OR6N2: variants seen among roughly 807,000 people sequenced by gnomAD.
OR6N2 encodes the protein olfactory receptor 6N2.
For synonymous variants in OR6N2, 160 were observed against 138.3 expected (o/e 1.16, Z -1.10); for missense variants, 399 against 379.7 (o/e 1.05, Z -0.42).
rs148511695 is a variant in OR6N2, at chr1:158,775,426, G to C, written c.*1256C>G. On this transcript the variant is annotated 3_prime_UTR_variant, in exon 2 of 2. Transcript: ENST00000641131. ...GAAAGAGGGAGCTGAGGGAGTAGAG[G>C]TATGAATCTATGTTGAAGAGGAAGG... 6.6e-6 allele frequency: 1 copy of C among 152,160 alleles called. No individual in the cohort carries two copies. The highest frequency in any genetic ancestry group is 1.5e-5 in the Non-Finnish European group (1 of 68,018). 9.4% of individuals were successfully genotyped at this position (152,160 alleles called of 1,614,324 possible).
chr1:158,775,464 C>T lies in OR6N2; in HGVS notation c.*1218G>A, dbSNP rs945543998. The T allele has an allele frequency of 7.9e-5, 12 of 152,100 alleles. No individual in the cohort carries two copies. Among genetic ancestry groups the T allele is most frequent in the Admixed American group, 2.6e-4 (4 of 15,264 alleles). The allele number at this position is 152,100 out of a possible 1,614,324, so 9.4% of individuals were successfully genotyped here. A position where few individuals can be genotyped will look rare whatever the true frequency, so the allele number is the denominator to read the frequency against. ...TTGAAGAGGAAGGCAGGGAAGAATT[C>T]CGTTTATAGCCTTATAAAGTATGGT... On this transcript the variant is annotated 3_prime_UTR_variant, in exon 2 of 2. Transcript: ENST00000641131.
At position 158,775,486 on chromosome 1, in the gene OR6N2, T is replaced by C. The variant is rs910209344; in HGVS notation, c.*1196A>G. 6.6e-6 allele frequency: 1 copy of C among 152,328 alleles called. No homozygotes were observed. Among genetic ancestry groups the C allele is most frequent in the East Asian group, 1.9e-4 (1 of 5,192 alleles). 9.4% of individuals were successfully genotyped at this position (152,328 alleles called of 1,614,324 possible). On this transcript the variant is annotated 3_prime_UTR_variant, in exon 2 of 2. Transcript: ENST00000641131. ...ATTCCGTTTATAGCCTTATAAAGTA[T>C]GGTGAGGCTTTGAATTTTATCTTAA... is the stretch of plus-strand genomic sequence containing the variant.
rs755813029 is a variant in OR6N2, at chr1:158,776,738, C to G, written c.898G>C (p.Ala300Pro). ...TTCTGGAAGATGGTCCTCTTGATAG[C>G]TTTAATGATTTCCTTGTTACGAAGA... ...YSLRNKEIIK[A>P]IKRTIFQKGD... Residue 300 changes from alanine to proline, a missense_variant, in exon 2 of 2, where the codon GCT becomes CCT. Ala to Pro is a conservative substitution (Grantham distance 27, BLOSUM62 -1). Coordinates refer to ENST00000641131, the MANE Select transcript of OR6N2 (RefSeq NM_001005278.2). The G allele has an allele frequency of 2.5e-6, 4 of 1,613,782 alleles. No homozygotes were observed. The highest frequency in any genetic ancestry group is 3.4e-6 in the Non-Finnish European group (4 of 1,179,838).
At chr1:158,778,118 A>G (rs1192667888) in intron 1 of OR6N2, among the ~76,000 whole-genome samples, 1 of 152,222 alleles carries the variant, frequency 6.6e-6, no homozygotes, top group Admixed American at 6.5e-5. Flanking sequence ...TGGGTATGAG[A>G]TTAATGTAGT....
rs1341080085 is a variant in OR6N2 at position 158,777,419 on chromosome 1, A to G, written c.217T>C (p.Tyr73His). 1 of 1,614,210 alleles carries G rather than the reference A, an allele frequency of 6.2e-7. No homozygotes were observed. The highest frequency in any genetic ancestry group is 1.3e-5 in the African/African-American group (1 of 75,066). The change falls in exon 2 of 2, where the codon TAT becomes CAT. Residue 73 changes from tyrosine to histidine, a missense_variant. Transcript: ENST00000641131. ...VSVLSFLELW[Y>H]TATTIPKMLS... ...ATCTTAGGGATAGTGGTAGCTGTAT[A>G]CCACAACTCCAAGAAGGAAAGAACA...
Position 158,774,229 on chromosome 1 carries a change from A to AC in OR6N2, c.*2452dup, listed in dbSNP as rs1657521648. ...TATATAGCAAAAATAGTAGCAATGT[A>AC]CTGTGTGTTTATTTTACAAAAATAT... is the stretch of plus-strand genomic sequence containing the variant. On this transcript the variant is annotated 3_prime_UTR_variant, in exon 2 of 2. Coordinates refer to ENST00000641131, the MANE Select transcript of OR6N2 (RefSeq NM_001005278.2). 6.6e-6 allele frequency: 1 copy of AC among 152,224 alleles called. No individual in the cohort carries two copies. The highest frequency in any genetic ancestry group is 1.9e-4 in the East Asian group (1 of 5,206). 9.4% of individuals were successfully genotyped at this position (152,224 alleles called of 1,614,324 possible). A position where few individuals can be genotyped will look rare whatever the true frequency, so the allele number is the denominator to read the frequency against.
rs1657598476 is a variant in OR6N2 at position 158,776,564 on chromosome 1, A to G, written c.*118T>C. On this transcript the variant is annotated 3_prime_UTR_variant, in exon 2 of 2. Coordinates refer to ENST00000641131, the MANE Select transcript of OR6N2 (RefSeq NM_001005278.2). ...TAGAAAATGAGAAAATCATAAAGAA[A>G]TGAAGTCTTTGAAGAGGTGAAAGGA... The G allele has an allele frequency of 5.3e-6, 3 of 570,856 alleles. No individual in the cohort carries two copies. The highest frequency in any genetic ancestry group is 9.2e-6 in the Non-Finnish European group (3 of 327,238). The allele number at this position is 570,856 out of a possible 1,614,324, so 35.4% of individuals were successfully genotyped here.
rs758681746 is a variant in OR6N2, at chr1:158,777,558, C to G, written c.78G>C (p.Trp26Cys). 2.7e-5 allele frequency: 44 copies of G among 1,613,932 alleles called. No homozygotes were observed. In the South Asian group the frequency reaches 3.5e-4, roughly 13 times the overall value. Residue 26 changes from tryptophan to cysteine, a missense_variant, in exon 2 of 2, where the codon TGG (tryptophan) becomes TGC (cysteine). Physicochemically the swap from Trp to Cys is radical, Grantham distance 215. Transcript: ENST00000641131. ...GFASVGYVRG[W>C]LFVLLLLAYL... ...ATGCCAATAGCAGCAGGACAAAAAG[C>G]CAGCCCCTGACATAGCCCACACTGG...
chr1:158,779,037 G>A (rs1396162839), intron 1 of OR6N2, among the ~76,000 whole-genome samples: 3 of 85,624 alleles, frequency 3.5e-5, no homozygotes, highest in African/African-American at 1.1e-4. Context: ...AAAAAAGAAT[G>A]CAGATTCAAA....
At position 158,777,506 on chromosome 1, in the gene OR6N2, G is replaced by A. The variant is rs150989932; in HGVS notation, c.130C>T (p.Leu44Phe). 744 of 1,614,154 alleles carry A rather than the reference G, an allele frequency of 4.6e-4. 3 individuals are homozygous for A. In the African/African-American group the frequency reaches 8.5e-3, roughly 18 times the overall value. Reference sequence around the variant, plus strand: ...TCCAGTCGGATGACTGAGAAGATGAGCATGTTACCACAGATGGTGAACAGG... The same window carrying A: ...TCCAGTCGGATGACTGAGAAGATGAACATGTTACCACAGATGGTGAACAGG... ...AYLFTICGNM[L>F]IFSVIRLDAA... Residue 44 changes from leucine to phenylalanine, a missense_variant, in exon 2 of 2, where the codon CTC becomes TTC. By Grantham distance (22) the Leu-to-Phe change is conservative (BLOSUM62 0). Transcript: ENST00000641131.
chr1:158,779,207 A>T (rs895000037), intron 1 of OR6N2, among the ~76,000 whole-genome samples: 10 of 152,142 alleles, frequency 6.6e-5, no homozygotes, highest in Non-Finnish European at 1.3e-4. Context: ...ACAGATGCAA[A>T]AAGAAAACAA....
intron 1 of OR6N2, among the ~76,000 whole-genome samples, chr1:158,779,620 C>T (rs1657699702): frequency 6.6e-6 from 1 of 152,152 alleles, no homozygotes; most frequent in Non-Finnish European, 1.5e-5. Flanking sequence ...TCTTGATTCT[C>T]TTCTAACCTA....
rs1571611707 is a variant in OR6N2 at position 158,777,424 on chromosome 1, A to C, written c.212T>G (p.Leu71Trp). ...HFVSVLSFLE[L>W]WYTATTIPKM... is the part of the protein sequence containing the mutation. ...AGGGATAGTGGTAGCTGTATACCAC[A>C]ACTCCAAGAAGGAAAGAACACTGAC... Residue 71 changes from leucine (L) to tryptophan (W), a missense_variant, in exon 2 of 2, where the codon TTG (leucine) becomes TGG (tryptophan). Physicochemically the swap from Leu to Trp is moderately conservative, Grantham distance 61. Coordinates refer to ENST00000641131, the MANE Select transcript of OR6N2 (RefSeq NM_001005278.2). 4 of 1,614,122 alleles carry C rather than the reference A, an allele frequency of 2.5e-6. No homozygotes were observed. The highest frequency in any genetic ancestry group is 1.1e-5 in the South Asian group (1 of 91,076).
intron 1 of OR6N2, among the ~76,000 whole-genome samples, chr1:158,780,112 A>G (rs1657712657): frequency 6.6e-6 from 1 of 152,226 alleles, no homozygotes; most frequent in South Asian, 2.1e-4. Context: ...TAATAAACTT[A>G]GCGTCTCACA....
chr1:158,780,657 T>C (rs1344407995), intron 1 of OR6N2, among the ~76,000 whole-genome samples: 2 of 152,232 alleles, frequency 1.3e-5, no homozygotes, highest in African/African-American at 2.4e-5. Context: ...TAATAAGGTA[T>C]TGAATATCTC....
rs374518057 is a variant in OR6N2 at position 158,777,488 on chromosome 1, G to A, written c.148C>T (p.Arg50Ter). The A allele has an allele frequency of 2.5e-5, 40 of 1,614,002 alleles. No homozygotes were observed. Among genetic ancestry groups the A allele is most frequent in the South Asian group, 6.6e-5 (6 of 91,082 alleles). Residue 50 changes from arginine to a stop codon, truncating the protein, a stop_gained, in exon 2 of 2, where the codon CGA becomes TGA. Coordinates refer to ENST00000641131, the MANE Select transcript of OR6N2 (RefSeq NM_001005278.2). LOFTEE classifies it low-confidence loss of function (END_TRUNC). Reference sequence around the variant, plus strand: ...GGTGTGTGCAGAGCTGCATCCAGTCGGATGACTGAGAAGATGAGCATGTTA... The same window carrying A: ...GGTGTGTGCAGAGCTGCATCCAGTCAGATGACTGAGAAGATGAGCATGTTA... ...CGNMLIFSVIRLDAALHTPMY... is the reference protein window; with the variant it reads ...CGNMLIFSVI
rs748326908 is a variant in OR6N2 at position 158,774,371 on chromosome 1, A to G, written c.*2311T>C. On this transcript the variant is annotated 3_prime_UTR_variant, in exon 2 of 2. Transcript: ENST00000641131. The stretch of plus-strand genomic sequence containing the variant: ...CTGAGATAAAACACACAACAAATCA[A>G]GAAAAGCAGATTTGTTACTCATAGA... 3 of 152,230 alleles carry G rather than the reference A, an allele frequency of 2.0e-5. No individual in the cohort carries two copies. The highest frequency in any genetic ancestry group is 4.4e-5 in the Non-Finnish European group (3 of 68,046). 9.4% of individuals were successfully genotyped at this position (152,230 alleles called of 1,614,324 possible).
rs1378384304 is a variant in OR6N2, at chr1:158,777,459, C to T, written c.177G>A (p.Met59Ile). The change falls in exon 2 of 2, where the codon ATG (methionine) becomes ATA (isoleucine). Residue 59 changes from methionine to isoleucine, a missense_variant. Coordinates refer to ENST00000641131, the MANE Select transcript of OR6N2 (RefSeq NM_001005278.2). ...IRLDAALHTP[M>I]YHFVSVLSFL... ...AGGAAAGAACACTGACAAAGTGGTA[C>T]ATAGGTGTGTGCAGAGCTGCATCCA... 5.6e-6 allele frequency: 9 copies of T among 1,614,088 alleles called. No individual in the cohort carries two copies. The highest frequency in any genetic ancestry group is 7.6e-6 in the Non-Finnish European group (9 of 1,180,040).
In OR6N2 at chr1:158,776,613, T is replaced by A. The variant is rs889764249; in HGVS notation, c.*69A>T. On this transcript the variant is annotated 3_prime_UTR_variant, in exon 2 of 2. Coordinates refer to ENST00000641131, the MANE Select transcript of OR6N2 (RefSeq NM_001005278.2). ...GAAATGAAATTCAGAGCATGTGTGA[T>A]GATGGGAAGATTACTCAAGGAACTT... 1.8e-5 allele frequency: 15 copies of A among 826,722 alleles called. No individual in the cohort carries two copies. The African/African-American group carries it at 2.6e-4, about 14-fold the overall frequency. The allele number at this position is 826,722 out of a possible 1,614,324, so 51.2% of individuals were successfully genotyped here.
Sources: gnomAD v4.1 joint callset for allele counts (sites outside exome capture counted in the v4.1 genomes callset) on GRCh38, gnomAD v4.1.1 for gene constraint, MANE v1.5 for transcripts, NCBI Gene and HGNC (gene_info 2026-07-23, HGNC 2026-07-21) for gene names.